Variants in NDC80 observed in about 807,000 individuals in gnomAD.
NDC80 encodes the protein NDC80 kinetochore complex component.
Under a neutral mutation model 89.3 loss-of-function variants are expected in NDC80, and 69 were observed. The observed-to-expected ratio is 0.77, with a 90% confidence interval of 0.64 to 0.94. The LOEUF is 0.94. Ranked by LOEUF, NDC80 falls within the 40% of genes least tolerant of loss-of-function variation. The pLI, the probability that NDC80 is intolerant of heterozygous loss-of-function variation, is 0.00. For missense variants in NDC80, 593 were observed against 739.6 expected, an observed-to-expected ratio of 0.80 and a Z score of 2.30; for synonymous variants, 243 against 255.6, an observed-to-expected ratio of 0.95 and a Z score of 0.47.
chr18:2,580,236 T>G lies in NDC80; in HGVS notation c.579+1207T>G, dbSNP rs1046888247. ...TAATATCTACTCTTCTGATTTTTTT[T>G]TGTGTTGATTTGCAAGGGTGCCATT... On this transcript the variant is annotated intron_variant, in intron 6 of 16. Transcript: ENST00000261597. Among the ~76,000 whole-genome samples the G allele has an allele frequency of 2.7e-4, 41 of 152,218 alleles. No individual in the cohort carries two copies. The East Asian group carries it at 3.3e-3, about 12-fold the overall frequency.
chr18:2,602,268 A>C (rs2072687667), intron 13 of NDC80, among the ~76,000 whole-genome samples: 1 of 152,196 alleles, frequency 6.6e-6, no homozygotes, highest in Admixed American at 6.5e-5. Flanking sequence ...TTCACAAATA[A>C]TTATGCTAGT....
intron 12 of NDC80, among the ~76,000 whole-genome samples, chr18:2,599,486 T>C (rs1383968863): frequency 6.6e-6 from 1 of 152,116 alleles, no homozygotes; most frequent in Non-Finnish European, 1.5e-5. Flanking sequence ...CAAGTTATAG[T>C]GAAAAGATCA....
At chr18:2,599,404 A>G (rs139061017) in intron 12 of NDC80, among the ~76,000 whole-genome samples, 6 of 152,340 alleles carry the variant, frequency 3.9e-5, no homozygotes, top group Admixed American at 1.3e-4. Flanking sequence ...CTTACTGTCA[A>G]GTTGCTAATG....
intron 11 of NDC80, among the ~76,000 whole-genome samples, 189 bp downstream of exon 11, chr18:2,595,810 A>G (rs1212798882): frequency 6.6e-6 from 1 of 152,222 alleles, no homozygotes; most frequent in East Asian, 1.9e-4. Context: ...CAAATTTAAG[A>G]TAAGTTATAT....
rs539941079 is a variant in NDC80, at chr18:2,590,438, T to G, written c.1015+276T>G. ...CTCCAAGGACTCAGGGAGGATCTAT[T>G]CCTTGCCTCTTGCAGCTTTTAGTGG... On this transcript the variant is annotated intron_variant, in intron 10 of 16. Transcript: ENST00000261597. 5.3e-5 allele frequency among the ~76,000 whole-genome samples: 8 copies of G among 152,330 alleles called. No homozygotes were observed. In the South Asian group the frequency reaches 1.7e-3, roughly 32 times the overall value.
At chr18:2,578,877 C>T (rs766814335) in intron 5 of NDC80, 50 bp from the exon 6 acceptor site, 19 of 1,130,060 alleles carry the variant, frequency 1.7e-5, no homozygotes, top group Admixed American at 5.8e-5. Flanking sequence ...ATTATCTTTA[C>T]TAAATTATAA....
intron 11 of NDC80, among the ~76,000 whole-genome samples, chr18:2,598,636 T>A (rs2072669392): frequency 6.6e-6 from 1 of 152,226 alleles, no homozygotes; most frequent in Non-Finnish European, 1.5e-5. Flanking sequence ...TTTGGATACA[T>A]GAAATGTTTT....
rs138149021 is a variant in NDC80 at position 2,606,454 on chromosome 18, A to G, written c.1504A>G (p.Thr502Ala). ...MITESKRSVR[T>A]LKEEVQKLDD... is the part of the protein sequence containing the mutation. ...AACAGAAAGCAAGAGAAGTGTGAGA[A>G]CTCTGAAAGAAGAAGTTCAAAAGCT... The change falls in exon 14 of 17, where the codon ACT (threonine) becomes GCT (alanine). Residue 502 changes from threonine to alanine, a missense_variant. Coordinates refer to ENST00000261597, the MANE Select transcript of NDC80 (RefSeq NM_006101.3). 35 of 1,604,524 alleles carry G rather than the reference A, an allele frequency of 2.2e-5. No homozygotes were observed. Among genetic ancestry groups the G allele is most frequent in the Non-Finnish European group, 2.8e-5 (33 of 1,175,064 alleles).
chr18:2,586,458 A>G (rs1382275311), intron 7 of NDC80, among the ~76,000 whole-genome samples: 4 of 152,166 alleles, frequency 2.6e-5, no homozygotes, highest in Non-Finnish European at 5.9e-5. Context: ...TGCCAGACAC[A>G]GTGGCTCACA....
chr18:2,593,823 T>C, intron 10 of NDC80: 1 of 292,598 alleles, frequency 3.4e-6, no homozygotes, highest in Non-Finnish European at 6.8e-6. Flanking sequence ...ATTTCCGTCA[T>C]TTATAATTTC....
At chr18:2,608,990 G>A (rs896015732) in intron 15 of NDC80, among the ~76,000 whole-genome samples, 160 bp downstream of exon 15, 15 of 151,942 alleles carry the variant, frequency 9.9e-5, no homozygotes, top group African/African-American at 2.4e-4. Context: ...CTTATAACTC[G>A]AGAACTTTCC....
chr18:2,583,803 A>G (rs1567998730), intron 6 of NDC80, among the ~76,000 whole-genome samples: 1 of 152,168 alleles, frequency 6.6e-6, no homozygotes, highest in Non-Finnish European at 1.5e-5. Context: ...AGATAAACAA[A>G]GAATCTTCTG....
At chr18:2,608,904 A>G in intron 15 of NDC80, 74 bp downstream of exon 15, 1 of 1,484,002 alleles carries the variant, frequency 6.7e-7, no homozygotes, top group Non-Finnish European at 9.2e-7. Flanking sequence ...AATTAGATCT[A>G]TTTTTATTTG....
At chr18:2,614,767 A>G (rs947899477) in intron 16 of NDC80, among the ~76,000 whole-genome samples, 1 of 152,222 alleles carries the variant, frequency 6.6e-6, no homozygotes, top group African/African-American at 2.4e-5. Flanking sequence ...GCCCCCCGCA[A>G]AAGTCATGTC....
chr18:2,614,168 G>C (rs1354072239), intron 16 of NDC80, among the ~76,000 whole-genome samples: 1 of 152,216 alleles, frequency 6.6e-6, no homozygotes, highest in East Asian at 1.9e-4. Context: ...GCTGGGCACA[G>C]TGGGTCATGC....
chr18:2,595,066 G>A (rs2072647536), intron 10 of NDC80, among the ~76,000 whole-genome samples: 1 of 151,700 alleles, frequency 6.6e-6, no homozygotes, highest in African/African-American at 2.4e-5. Flanking sequence ...TTTTTTTCAT[G>A]TAGTACTTTT....
At chr18:2,584,003 G>A (rs1399907156) in intron 6 of NDC80, among the ~76,000 whole-genome samples, 1 of 151,958 alleles carries the variant, frequency 6.6e-6, no homozygotes, top group Non-Finnish European at 1.5e-5. Flanking sequence ...TGATATCTTG[G>A]CCAGGTGCAG....
intron 14 of NDC80, among the ~76,000 whole-genome samples, chr18:2,607,754 T>C (rs2072719852): frequency 1.3e-5 from 2 of 151,516 alleles, no homozygotes; most frequent in South Asian, 4.1e-4. Context: ...AAATGTACCT[T>C]ATAATCCACC....
At chr18:2,597,666 G>T (rs1462613732) in intron 11 of NDC80, among the ~76,000 whole-genome samples, 1 of 151,898 alleles carries the variant, frequency 6.6e-6, no homozygotes, top group East Asian at 1.9e-4. Context: ...GGAGGCGGAA[G>T]TTGCAGTGAG....
Sources: allele counts gnomAD v4.1 joint callset (sites outside exome capture counted in the v4.1 genomes callset), GRCh38; gene constraint gnomAD v4.1.1; transcripts MANE v1.5; gene names NCBI Gene and HGNC (gene_info 2026-07-23, HGNC 2026-07-21).